MYRFL: variants seen among roughly 807,000 people sequenced by gnomAD.
The protein encoded by MYRFL is myelin regulatory factor like.
A neutral mutation model predicts 109.4 loss-of-function variants in MYRFL; 88 were observed. The ratio of observed to expected loss-of-function variants is 0.80; its 90% CI spans 0.68 to 0.96. The LOEUF is 0.96. Ranked by LOEUF, MYRFL falls within the 40% of genes least tolerant of loss-of-function variation. MYRFL has a pLI of 0.00. For missense variants in MYRFL, 957 were observed against 954.9 expected, an observed-to-expected ratio of 1.00 and a Z score of -0.03; for synonymous variants, 324 against 320.9, an observed-to-expected ratio of 1.01 and a Z score of -0.10.
chr12:69,889,713 G>A (rs1886677749), intron 6 of MYRFL, among the ~76,000 whole-genome samples: 1 of 152,118 alleles, frequency 6.6e-6, no homozygotes, highest in African/African-American at 2.4e-5. Context: ...AAAATTGGTT[G>A]GGCATGGTAG....
At chr12:69,933,056 G>T (rs926267160) in intron 16 of MYRFL, among the ~76,000 whole-genome samples, 1 of 152,172 alleles carries the variant, frequency 6.6e-6, no homozygotes, top group Non-Finnish European at 1.5e-5. Context: ...GGATTCTTCA[G>T]TGAAGACTTT....
Position 69,850,781 on chromosome 12 carries a change from TC to T in MYRFL, c.47-4497del, listed in dbSNP as rs112325901. Among the ~76,000 whole-genome samples, 1,368 of 152,320 alleles carry T rather than the reference TC, an allele frequency of 9.0e-3. 22 individuals are homozygous for T. Among genetic ancestry groups the T allele is most frequent in the African/African-American group, 0.031 (1,287 of 41,564 alleles). On this transcript the variant is annotated intron_variant, in intron 1 of 24. Transcript: ENST00000552032. ...TATATTTACATGAATTCGCTCTTCA[TC>T]CATGGTTGTTTTTCACCTCAGTTTC...
intron 13 of MYRFL, among the ~76,000 whole-genome samples, chr12:69,924,017 G>T (rs776381476): frequency 6.6e-6 from 1 of 151,722 alleles, no homozygotes; most frequent in Non-Finnish European, 1.5e-5. Context: ...GTGAAACCCC[G>T]TCTCTACTAA....
At chr12:69,882,355 C>T (rs372386775) in intron 5 of MYRFL, among the ~76,000 whole-genome samples, 3 of 151,984 alleles carry the variant, frequency 2.0e-5, no homozygotes, top group South Asian at 2.1e-4. Flanking sequence ...TTAGTTAATC[C>T]GAATGCCACA....
At chr12:69,937,309 T>G (rs567468379) in intron 19 of MYRFL, among the ~76,000 whole-genome samples, 1 of 152,110 alleles carries the variant, frequency 6.6e-6, no homozygotes, top group South Asian at 2.1e-4. Context: ...TACATATTAA[T>G]AAATAGTAAT....
intron 5 of MYRFL, among the ~76,000 whole-genome samples, chr12:69,880,838 C>A (rs571043179): frequency 1.3e-5 from 2 of 151,918 alleles, no homozygotes; most frequent in Admixed American, 6.6e-5. Context: ...GAAAGTTGAA[C>A]TTTTCCTCAA....
intron 5 of MYRFL, among the ~76,000 whole-genome samples, chr12:69,885,241 A>G (rs1886375667): frequency 6.6e-6 from 1 of 152,236 alleles, no homozygotes. Flanking sequence ...AAATCTTTCT[A>G]AAATGGGCAT....
Position 69,926,686 on chromosome 12 carries a change from A to C in MYRFL, c.1718A>C (p.Lys573Thr). ...EIWNRKLARL[K>T]RLSSWKSSAS... Reference sequence around the variant, plus strand: ...TGGAACAGAAAGCTGGCCCGGCTAAAGCGGCTCAGTAGTTGGAAGTCATCA... The same window carrying C: ...TGGAACAGAAAGCTGGCCCGGCTAACGCGGCTCAGTAGTTGGAAGTCATCA... The change falls in exon 14 of 25, where the codon AAG becomes ACG. Residue 573 changes from lysine to threonine, a missense_variant. Lys to Thr is a moderately conservative substitution (Grantham distance 78). Coordinates refer to ENST00000552032, the MANE Select transcript of MYRFL (RefSeq NM_182530.3). The C allele has an allele frequency of 6.6e-7, 1 of 1,522,530 alleles. No homozygotes were observed. The highest frequency in any genetic ancestry group is 8.8e-7 in the Non-Finnish European group (1 of 1,138,910). 94.3% of individuals were successfully genotyped at this position (1,522,530 alleles called of 1,614,324 possible).
At chr12:69,916,947 C>A (rs974146396) in intron 13 of MYRFL, among the ~76,000 whole-genome samples, 6 of 152,160 alleles carry the variant, frequency 3.9e-5, no homozygotes, top group Admixed American at 3.9e-4. Context: ...CCTTCAAAAG[C>A]CTGGCGTTTC....
chr12:69,870,111 T>A (rs1335964570), intron 2 of MYRFL, among the ~76,000 whole-genome samples: 5 of 141,096 alleles, frequency 3.5e-5, no homozygotes, highest in African/African-American at 5.3e-5. Context: ...TTTTTTTTTT[T>A]TTTTTTTTTT....
At position 69,932,548 on chromosome 12, in the gene MYRFL, T is replaced by C. The variant is rs1955302617; in HGVS notation, c.1866T>C (p.Asn622=). ...CAGGAAAAAGACAGGCGTGTCCTAA[T>C]TGGGTTTTCCAGACCTTGGTTATAA... ...YFSGKRQACP[N]WVFQTLVITL... The change falls in exon 16 of 25, where the codon AAT becomes AAC. Residue 622 remains asparagine (N), a synonymous_variant. Coordinates refer to ENST00000552032, the MANE Select transcript of MYRFL (RefSeq NM_182530.3). 5.2e-6 allele frequency: 8 copies of C among 1,535,992 alleles called. No individual in the cohort carries two copies. The South Asian group carries it at 5.9e-5, about 11-fold the overall frequency.
chr12:69,921,699 C>T (rs1387533579), intron 13 of MYRFL, among the ~76,000 whole-genome samples: 1 of 152,104 alleles, frequency 6.6e-6, no homozygotes, highest in Non-Finnish European at 1.5e-5. Flanking sequence ...CTTTTATTTC[C>T]TCTTGAATAG....
chr12:69,912,958 G>A (rs1954619568), intron 13 of MYRFL, among the ~76,000 whole-genome samples: 3 of 152,032 alleles, frequency 2.0e-5, no homozygotes, highest in Non-Finnish European at 2.9e-5. Context: ...CGTCCTCACC[G>A]ATGCTTGTAA....
chr12:69,953,651 C>T (rs1956031981), intron 21 of MYRFL, among the ~76,000 whole-genome samples: 1 of 152,056 alleles, frequency 6.6e-6, no homozygotes, highest in African/African-American at 2.4e-5. Flanking sequence ...ATGGCACACA[C>T]CTGTGGTCCC....
Position 69,927,732 on chromosome 12 carries a change from A to AT in MYRFL, c.1815dup (p.Lys606Ter), listed in dbSNP as rs1403471385. The AT allele has an allele frequency of 7.8e-6, 12 of 1,533,654 alleles. No individual in the cohort carries two copies. The highest frequency in any genetic ancestry group is 9.6e-6 in the Non-Finnish European group (11 of 1,146,380). On this transcript the variant is annotated frameshift_variant, in exon 15 of 25. Transcript: ENST00000552032. LOFTEE classifies it high-confidence loss of function. The stretch of plus-strand genomic sequence containing the variant: ...GCATCTTCTCCAAGAAGGGCCGTTC[A>AT]TAAAAAAAACAACAAGGTAAATAGA...
chr12:69,883,165 T>G (rs1054663215), intron 5 of MYRFL, among the ~76,000 whole-genome samples: 7 of 152,206 alleles, frequency 4.6e-5, no homozygotes, highest in African/African-American at 1.7e-4. Context: ...GATTTGAATC[T>G]CACCTCTTCC....
chr12:69,923,367 T>C (rs568710094), intron 13 of MYRFL, among the ~76,000 whole-genome samples: 2 of 152,210 alleles, frequency 1.3e-5, no homozygotes, highest in Non-Finnish European at 2.9e-5. Context: ...TCATGGTTAG[T>C]AGGTGGGAAG....
In MYRFL at chr12:69,825,531, G is replaced by A; in HGVS notation, c.14G>A (p.Gly5Asp). 1 of 701,954 alleles carries A rather than the reference G, an allele frequency of 1.4e-6. No homozygotes were observed. The allele number at this position is 701,954 out of a possible 1,614,324, so 43.5% of individuals were successfully genotyped here. MDVV[G>D]ENEALQQFFE... ...GATCACAGTACCATGGATGTGGTAG[G>A]CGAAAATGAGGCCCTGCAGCAGTTC... is the stretch of plus-strand genomic sequence containing the variant. Residue 5 changes from glycine to aspartate, a missense_variant, in exon 1 of 25, where the codon GGC (glycine) becomes GAC (aspartate). Coordinates refer to ENST00000552032, the MANE Select transcript of MYRFL (RefSeq NM_182530.3).
chr12:69,927,830 C>T, intron 15 of MYRFL, 82 bp downstream of exon 15: 2 of 1,298,566 alleles, frequency 1.5e-6, no homozygotes, highest in South Asian at 2.7e-5. Context: ...GAATTTTTTT[C>T]TCATTTCTTT....
Sources: gnomAD v4.1 joint callset for allele counts (sites outside exome capture counted in the v4.1 genomes callset) on GRCh38, gnomAD v4.1.1 for gene constraint, MANE v1.5 for transcripts, NCBI Gene and HGNC (gene_info 2026-07-23, HGNC 2026-07-21) for gene names.